The following SLC25A24 variants were observed in gnomAD, a reference collection of about 807,000 sequenced individuals.
The protein encoded by SLC25A24 is mitochondrial adenyl nucleotide antiporter SLC25A24.
A neutral mutation model predicts 60.7 loss-of-function variants in SLC25A24; 49 were observed. That is an observed-to-expected ratio of 0.81 (90% CI 0.64 to 1.02). The LOEUF (loss-of-function observed/expected upper bound fraction) is 1.02. Ranked by LOEUF, SLC25A24 falls within the 50% of genes least tolerant of loss-of-function variation. The pLI, the probability that SLC25A24 is intolerant of heterozygous loss-of-function variation, is 0.00. For synonymous variants in SLC25A24, 202 were observed against 200.6 expected (o/e 1.01, Z -0.06); for missense variants, 564 against 586.3 (o/e 0.96, Z 0.39).
chr1:108,182,225 A>T (rs1292289694), intron 2 of SLC25A24, among the ~76,000 whole-genome samples, 197 bp from the exon 3 acceptor site: 1 of 152,210 alleles, frequency 6.6e-6, no homozygotes, highest in Non-Finnish European at 1.5e-5. Flanking sequence ...ATTAAAAAAT[A>T]AATACACATT....
At chr1:108,165,617 CCTGT>C (rs994636416) in intron 3 of SLC25A24, among the ~76,000 whole-genome samples, 2 of 151,958 alleles carry the variant, frequency 1.3e-5, no homozygotes, top group Non-Finnish European at 2.9e-5. Flanking sequence ...GATTGCAACC[CCTGT>C]CTTTTTTTGT....
At chr1:108,178,622 G>A (rs550758433) in intron 3 of SLC25A24, among the ~76,000 whole-genome samples, 2 of 152,226 alleles carry the variant, frequency 1.3e-5, no homozygotes, top group South Asian at 4.1e-4. Context: ...AGACCATCCT[G>A]GCTAACACAG....
intron 3 of SLC25A24, among the ~76,000 whole-genome samples, chr1:108,178,025 T>A (rs1396012406): frequency 3.3e-5 from 5 of 151,888 alleles, no homozygotes; most frequent in Admixed American, 3.3e-4. Flanking sequence ...TAGCTGGGCG[T>A]GGTGGCATGC....
chr1:108,140,278 C>T (rs1419000), intron 8 of SLC25A24, among the ~76,000 whole-genome samples: 32,259 of 151,656 alleles, frequency 0.21, 4,139 homozygotes, highest in East Asian at 0.36. Flanking sequence ...AAAAAAACTG[C>T]CAAACAAAAA....
chr1:108,182,165 A>T, intron 2 of SLC25A24, 137 bp from the exon 3 acceptor site: 2 of 577,276 alleles, frequency 3.5e-6, no homozygotes, highest in Non-Finnish European at 6.2e-6. Context: ...TGAGTTATAG[A>T]CTTGCTTAAA....
chr1:108,197,797 C>T (rs828994), intron 1 of SLC25A24, among the ~76,000 whole-genome samples: 34,962 of 152,096 alleles, frequency 0.23, 4,361 homozygotes, highest in African/African-American at 0.28. Flanking sequence ...GCAAGTGCTA[C>T]GTTTTGTTTG....
intron 7 of SLC25A24, among the ~76,000 whole-genome samples, chr1:108,145,758 T>C (rs1187486862): frequency 2.0e-5 from 3 of 152,162 alleles, no homozygotes; most frequent in Admixed American, 6.5e-5. Context: ...GTTCCATTGG[T>C]CTATATATCT....
At chr1:108,185,740 G>C in intron 2 of SLC25A24, 88 bp downstream of exon 2, 2 of 948,338 alleles carry the variant, frequency 2.1e-6, no homozygotes, top group Non-Finnish European at 3.1e-6. Flanking sequence ...TCTAAAACCA[G>C]AGAGATTAAA....
At chr1:108,146,861 T>C (rs533845524) in intron 7 of SLC25A24, among the ~76,000 whole-genome samples, 22 of 152,234 alleles carry the variant, frequency 1.4e-4, no homozygotes, top group South Asian at 4.1e-4. Flanking sequence ...ATCAGGGATA[T>C]TGGCCTGAAA....
chr1:108,161,444 T>A, intron 3 of SLC25A24, 151 bp from the exon 4 acceptor site: 1 of 593,772 alleles, frequency 1.7e-6, no homozygotes, highest in Non-Finnish European at 2.9e-6. Context: ...TTGTTGGAAA[T>A]GGCAGCAAGC....
rs764792064 is a variant in SLC25A24, at chr1:108,182,046, G to C, written c.311-18C>G. On this transcript the variant is annotated intron_variant, in intron 2 of 9. Transcript: ENST00000565488. ...AATTTTTCCTTTAAAAAAATAAAAA[G>C]GGCAAAAAATAAAACTCAGAACTGG... 6.0e-6 allele frequency: 9 copies of C among 1,496,744 alleles called. No individual in the cohort carries two copies. The Admixed American group carries it at 1.0e-4, about 17-fold the overall frequency. 92.7% of individuals were successfully genotyped at this position (1,496,744 alleles called of 1,614,324 possible).
chr1:108,183,011 A>C (rs574973247), intron 2 of SLC25A24, among the ~76,000 whole-genome samples: 2 of 152,190 alleles, frequency 1.3e-5, no homozygotes, highest in Non-Finnish European at 2.9e-5. Flanking sequence ...AATAAATGTA[A>C]GCACTGCTGT....
Position 108,154,023 on chromosome 1 carries a change from C to T in SLC25A24, c.822+960G>A, listed in dbSNP as rs184676258. ...CAAACCTTCATATAAGGAAAATAGC[C>T]TTCCCAAGGATAGGTTCTAATTAAA... On this transcript the variant is annotated intron_variant, in intron 6 of 9. Coordinates refer to ENST00000565488, the MANE Select transcript of SLC25A24 (RefSeq NM_013386.5). Among the ~76,000 whole-genome samples the T allele has an allele frequency of 2.3e-3, 354 of 151,290 alleles. 4 individuals carry two copies. Among genetic ancestry groups the T allele is most frequent in the Admixed American group, 0.02 (311 of 15,208 alleles).
intron 3 of SLC25A24, among the ~76,000 whole-genome samples, chr1:108,180,623 T>TC (rs1194390285): frequency 3.6e-4 from 2 of 5,520 alleles, no homozygotes; most frequent in Admixed American, 1.4e-3. Flanking sequence ...AAGATCTCTC[T>TC]CTCTCTCTCT....
intron 1 of SLC25A24, among the ~76,000 whole-genome samples, chr1:108,195,184 T>TCTAAA (rs112727363): frequency 0.24 from 36,860 of 151,986 alleles, 4,911 homozygotes; most frequent in African/African-American, 0.33. Context: ...GAAGCTTCTT[T>TCTAAA]TGTTTTTTCT....
Position 108,154,970 on chromosome 1 carries a change from T to G in SLC25A24, c.822+13A>C, listed in dbSNP as rs771653438. On this transcript the variant is annotated intron_variant, in intron 6 of 9. Coordinates refer to ENST00000565488, the MANE Select transcript of SLC25A24 (RefSeq NM_013386.5). ...CCTCTTTGTTAATAAATTCCACGGG[T>G]GATAACAATTACCTGTTCATATGCC... is the stretch of plus-strand genomic sequence containing the variant. 1 of 1,592,342 alleles carries G rather than the reference T, an allele frequency of 6.3e-7. No individual in the cohort carries two copies. The highest frequency in any genetic ancestry group is 1.8e-5 in the Admixed American group (1 of 57,134).
chr1:108,200,030 C>T lies in SLC25A24; in HGVS notation c.109G>A (p.Gly37Arg). 6.2e-7 allele frequency: 1 copy of T among 1,610,852 alleles called. No individual in the cohort carries two copies. Among genetic ancestry groups the T allele is most frequent in the Non-Finnish European group, 8.5e-7 (1 of 1,178,908 alleles). The change falls in exon 1 of 10, where the codon GGA (glycine) becomes AGA (arginine). Residue 37 changes from glycine (G) to arginine (R), a missense_variant. Gly to Arg is a moderately radical substitution (Grantham distance 125). Transcript: ENST00000565488. ...TGCAGCTCGCCGATGTCCACCACTC[C>T]GTCCCCATTGCGGTCCAGTGCCTGG... ...LFQALDRNGDGVVDIGELQEG... is the reference protein window; with the variant it reads ...LFQALDRNGDRVVDIGELQEG...
intron 7 of SLC25A24, among the ~76,000 whole-genome samples, chr1:108,145,239 T>A (rs1679553297): frequency 6.6e-6 from 1 of 152,224 alleles, no homozygotes. Flanking sequence ...TCTGTTCATA[T>A]CCGTCACCCA....
At chr1:108,178,160 CAAA>C (rs1475786697) in intron 3 of SLC25A24, among the ~76,000 whole-genome samples, 2 of 95,748 alleles carry the variant, frequency 2.1e-5, no homozygotes, top group East Asian at 9.4e-4. Flanking sequence ...GACTCCGTCT[CAAA>C]AACAACAACA....
Sources: allele counts gnomAD v4.1 joint callset (sites outside exome capture counted in the v4.1 genomes callset), GRCh38; gene constraint gnomAD v4.1.1; transcripts MANE v1.5; gene names NCBI Gene and HGNC (gene_info 2026-07-23, HGNC 2026-07-21).